The following FAT4 variants were observed in gnomAD, a reference collection of about 807,000 sequenced individuals.
FAT4 encodes protocadherin Fat 4.
In FAT4, 84 loss-of-function variants were observed where a neutral mutation model predicts 303.9. The observed-to-expected ratio is 0.28, with a 90% CI of 0.23 to 0.33. FAT4 has a LOEUF of 0.33. Among genes scored for constraint, FAT4 ranks in the 10% least tolerant of loss-of-function variants. FAT4 has a pLI of 1.00. For synonymous variants in FAT4, 2,307 were observed against 2,298.8 expected, an observed-to-expected ratio of 1.00 and a Z score of -0.10; for missense variants, 6,005 against 6,146.8, an observed-to-expected ratio of 0.98 and a Z score of 0.77.
At chr4:125,324,303 A>G (rs1731070282) in intron 2 of FAT4, among the ~76,000 whole-genome samples, 1 of 151,498 alleles carries the variant, frequency 6.6e-6, no homozygotes, top group Non-Finnish European at 1.5e-5. Context: ...ACATAGGAAC[A>G]TGCAACTTAG....
In FAT4 at chr4:125,451,766, G is replaced by T. The variant is rs1726084759; in HGVS notation, c.10756G>T (p.Val3586Leu). Residue 3586 changes from valine to leucine, a missense_variant, in exon 10 of 18, where the codon GTG becomes TTG. Transcript: ENST00000394329. ...GCAGATTGCAGACTTCTATCTGTCT[G>T]TGGTTACCAAGGATTCTGGTGTTCC... ...REQIADFYLSVVTKDSGVPQM... is the reference protein window; with the variant it reads ...REQIADFYLSLVTKDSGVPQM... 6.2e-7 allele frequency: 1 copy of T among 1,614,088 alleles called. No individual in the cohort carries two copies. Among genetic ancestry groups the T allele is most frequent in the Non-Finnish European group, 8.5e-7 (1 of 1,180,044 alleles).
chr4:125,336,557 C>T (rs1731584618), intron 2 of FAT4, among the ~76,000 whole-genome samples: 1 of 151,786 alleles, frequency 6.6e-6, no homozygotes, highest in South Asian at 2.1e-4. Flanking sequence ...TCTAAAAGAC[C>T]TTTCTTTCAT....
At chr4:125,328,275 A>G (rs1033637825) in intron 2 of FAT4, among the ~76,000 whole-genome samples, 2 of 152,216 alleles carry the variant, frequency 1.3e-5, no homozygotes, top group African/African-American at 4.8e-5. Flanking sequence ...AAATACACAC[A>G]TGTAATTATA....
At position 125,491,111 on chromosome 4, in the gene FAT4, T is replaced by G. The variant is rs745379615; in HGVS notation, c.14295T>G (p.Gly4765=). 1.2e-6 allele frequency: 2 copies of G among 1,613,954 alleles called. No homozygotes were observed. Among genetic ancestry groups the G allele is most frequent in the African/African-American group, 2.7e-5 (2 of 74,910 alleles). ...GTCCTCAGGCCATGGCATCACATGG[T>G]TCTAGACCAGGGAGTCGCCTAAAGC... is the stretch of plus-strand genomic sequence containing the variant. ...SKSPQAMASH[G]SRPGSRLKQP... Residue 4765 remains glycine, a synonymous_variant, in exon 18 of 18, where the codon GGT becomes GGG. Transcript: ENST00000394329.
Position 125,479,912 on chromosome 4 carries a change from A to G in FAT4, c.12604+47A>G, listed in dbSNP as rs1245762413. 4 of 1,441,148 alleles carry G rather than the reference A, an allele frequency of 2.8e-6. No individual in the cohort carries two copies. The African/African-American group carries it at 4.2e-5, about 15-fold the overall frequency. 89.3% of individuals were successfully genotyped at this position (1,441,148 alleles called of 1,614,324 possible). A position where few individuals can be genotyped will look rare whatever the true frequency, so the allele number is the denominator to read the frequency against. ...CCCCTGGAAATTTTAATAACTATGA[A>G]AAGTAAAATATATGCACCCAAGTAT... On this transcript the variant is annotated intron_variant, in intron 15 of 17. Transcript: ENST00000394329.
At chr4:125,473,097 T>G (rs1248984464) in intron 12 of FAT4, among the ~76,000 whole-genome samples, 1 of 152,118 alleles carries the variant, frequency 6.6e-6, no homozygotes, top group East Asian at 1.9e-4. Flanking sequence ...GACATAATGT[T>G]ATATTTTATA....
chr4:125,402,980 T>C (rs866383484), intron 3 of FAT4, among the ~76,000 whole-genome samples: 1 of 152,082 alleles, frequency 6.6e-6, no homozygotes, highest in Non-Finnish European at 1.5e-5. Context: ...ATAGGAAATC[T>C]GATACTGTAT....
chr4:125,489,123 T>C (rs1330974010), intron 17 of FAT4, among the ~76,000 whole-genome samples: 2 of 152,226 alleles, frequency 1.3e-5, no homozygotes, highest in Non-Finnish European at 2.9e-5. Context: ...GTCCTTTTTA[T>C]ATGGTTATTA....
chr4:125,418,787 G>T (rs931532760), intron 7 of FAT4, among the ~76,000 whole-genome samples: 1 of 152,132 alleles, frequency 6.6e-6, no homozygotes, highest in Admixed American at 6.6e-5. Flanking sequence ...CTACTACATG[G>T]TTTAAAGGAG....
intron 2 of FAT4, among the ~76,000 whole-genome samples, chr4:125,339,439 G>A (rs1426207994): frequency 1.5e-4 from 23 of 152,042 alleles, no homozygotes; most frequent in African/African-American, 5.5e-4. Flanking sequence ...CTCGTGATCC[G>A]CCTGCCTCGG....
chr4:125,470,866 G>A (rs1726833255), intron 12 of FAT4, among the ~76,000 whole-genome samples: 2 of 152,156 alleles, frequency 1.3e-5, no homozygotes, highest in Admixed American at 1.3e-4. Flanking sequence ...TGCATTTACA[G>A]CTCGGCTAAC....
At chr4:125,453,581 C>T (rs1458792825) in intron 10 of FAT4, among the ~76,000 whole-genome samples, 3 of 152,212 alleles carry the variant, frequency 2.0e-5, no homozygotes, top group Non-Finnish European at 4.4e-5. Context: ...TGTTGTGCGC[C>T]TGTAGTCCCA....
At chr4:125,358,309 A>G (rs1262281104) in intron 2 of FAT4, among the ~76,000 whole-genome samples, 1 of 152,078 alleles carries the variant, frequency 6.6e-6, no homozygotes, top group Non-Finnish European at 1.5e-5. Context: ...GTGGAGGGAT[A>G]GTTTCAGGAT....
intron 8 of FAT4, among the ~76,000 whole-genome samples, chr4:125,439,490 G>T (rs533486449): frequency 5.4e-5 from 8 of 147,984 alleles, no homozygotes; most frequent in Non-Finnish European, 8.9e-5. Context: ...CCACCACCAT[G>T]CCCGGCTAAT....
At chr4:125,455,557 A>G (rs1391412071) in intron 10 of FAT4, among the ~76,000 whole-genome samples, 6 of 152,166 alleles carry the variant, frequency 3.9e-5, no homozygotes, top group South Asian at 2.1e-4. Flanking sequence ...AATTTTGAAG[A>G]CCAAAAAATT....
chr4:125,450,219 C>A lies in FAT4; in HGVS notation c.9209C>A (p.Pro3070Gln), dbSNP rs767617192. The A allele has an allele frequency of 2.5e-6, 4 of 1,613,940 alleles. No individual in the cohort carries two copies. The highest frequency in any genetic ancestry group is 3.4e-6 in the Non-Finnish European group (4 of 1,179,984). Residue 3070 changes from proline to glutamine, a missense_variant, in exon 10 of 18, where the codon CCA becomes CAA. Pro to Gln is a moderately conservative substitution (Grantham distance 76). Coordinates refer to ENST00000394329, the MANE Select transcript of FAT4 (RefSeq NM_001291303.3). ...TVTAKDKGNP[P>Q]LSSQATVHIT... ...ACTGCAAAGGATAAGGGAAACCCTC[C>A]ACTTTCTTCCCAAGCAACTGTTCAC...
intron 2 of FAT4, among the ~76,000 whole-genome samples, chr4:125,340,692 T>G (rs1731757175): frequency 6.6e-6 from 1 of 152,236 alleles, no homozygotes; most frequent in African/African-American, 2.4e-5. Flanking sequence ...AGTTTTCCAG[T>G]TTCACTAGTT....
rs1409426945 is a variant in FAT4 at position 125,316,602 on chromosome 4, T to G, written c.191T>G (p.Ile64Ser). ...EQPPGTLVGT[I>S]QTRPGFTYRL... ...CCTCCAGGCACTCTGGTAGGCACCA[T>G]CCAGACGCGCCCCGGCTTCACCTAC... The change falls in exon 2 of 18, where the codon ATC (isoleucine) becomes AGC (serine). Residue 64 changes from isoleucine (I) to serine (S), a missense_variant. Coordinates refer to ENST00000394329, the MANE Select transcript of FAT4 (RefSeq NM_001291303.3). The surrounding 1 kb of genome is among the most constrained non-coding windows in gnomAD (Gnocchi z 5.7). 2 of 1,613,966 alleles carry G rather than the reference T, an allele frequency of 1.2e-6. No homozygotes were observed. Among genetic ancestry groups the G allele is most frequent in the Non-Finnish European group, 1.7e-6 (2 of 1,180,024 alleles).
In FAT4 at chr4:125,451,807, A is replaced by C; in HGVS notation, c.10797A>C (p.Thr3599=). The C allele has an allele frequency of 6.2e-7, 1 of 1,614,186 alleles. No individual in the cohort carries two copies. The highest frequency in any genetic ancestry group is 1.6e-4 in the Middle Eastern group (1 of 6,062). ...CTGGTGTTCCTCAAATGTCTTCCACAGGAACTGTGCATATCACAGTTATAG... is the reference window on the plus strand; with the variant it reads ...CTGGTGTTCCTCAAATGTCTTCCACCGGAACTGTGCATATCACAGTTATAG... ...KDSGVPQMSS[T]GTVHITVIDQ... The change falls in exon 10 of 18, where the codon ACA becomes ACC. Residue 3599 remains threonine (T), a synonymous_variant. Transcript: ENST00000394329.
Sources: gnomAD v4.1 joint callset for allele counts (sites outside exome capture counted in the v4.1 genomes callset) on GRCh38, gnomAD v4.1.1 for gene constraint, Gnocchi (gnomAD v3.1) non-coding constraint, MANE v1.5 for transcripts, NCBI Gene and HGNC (gene_info 2026-07-23, HGNC 2026-07-21) for gene names.